The following RPP40 variants were observed in gnomAD, a reference collection of about 807,000 sequenced individuals.
RPP40 encodes the protein ribonuclease P/MRP subunit p40.
RPP40 carries 30 observed loss-of-function variants against 42.5 expected under a neutral mutation model. That is an observed-to-expected ratio of 0.71 (90% CI 0.53 to 0.96). The LOEUF is 0.96. Among genes scored for constraint, RPP40 ranks in the 40% least tolerant of loss-of-function variants. RPP40 has a pLI of 0.00. For synonymous variants in RPP40, 173 were observed against 164.0 expected, an observed-to-expected ratio of 1.05 and a Z score of -0.42; for missense variants, 426 against 433.5, an observed-to-expected ratio of 0.98 and a Z score of 0.15.
chr6:4,999,676 C>T (rs1749145), intron 4 of RPP40, 133 bp downstream of exon 4: 124,075 of 593,604 alleles, frequency 0.21, 13,747 homozygotes, highest in African/African-American at 0.29. Context: ...CTGTGAAGCT[C>T]GAGTCAGAAG....
intron 4 of RPP40, 89 bp from the exon 5 acceptor site, chr6:4,998,930 T>C: frequency 3.5e-6 from 3 of 856,682 alleles, no homozygotes. Flanking sequence ...AAAACTAGAA[T>C]TTTGGGAAAT....
intron 5 of RPP40, among the ~76,000 whole-genome samples, chr6:4,996,805 A>C (rs1759398777): frequency 1.3e-5 from 2 of 152,246 alleles, no homozygotes; most frequent in Non-Finnish European, 2.9e-5. Flanking sequence ...AAAAGAAGAG[A>C]AACTGAATGG....
rs761615945 is a variant in RPP40, at chr6:4,995,207, A to G, written c.963T>C (p.Pro321=). 6.2e-7 allele frequency: 1 copy of G among 1,614,168 alleles called. No individual in the cohort carries two copies. The stretch of plus-strand genomic sequence containing the variant: ...CATGTTCATTTTTTTCCCAAGAAAC[A>G]GGGCTGTCTGCAAAGCCTTGAACGG... The part of the protein sequence containing the change: ...TLSVQGFADS[P]VSWEKNEHGF... Residue 321 remains proline, a synonymous_variant, in exon 8 of 8, where the codon CCT becomes CCC. Coordinates refer to ENST00000380051, the MANE Select transcript of RPP40 (RefSeq NM_006638.4).
intron 1 of RPP40, among the ~76,000 whole-genome samples, chr6:5,003,346 A>C (rs1771864): frequency 0.34 from 2,149 of 6,396 alleles, 164 homozygotes; most frequent in East Asian, 0.56. Flanking sequence ...AACTCCGTCT[A>C]AAAAAAAAAA....
intron 5 of RPP40, among the ~76,000 whole-genome samples, chr6:4,997,969 C>T (rs2764103): frequency 0.89 from 135,181 of 152,270 alleles, 60,131 homozygotes; most frequent in East Asian, 0.99. Flanking sequence ...ATAAGCCTTT[C>T]TGCCCTCTTT....
chr6:4,994,906 AGGCC>A lies in RPP40; in HGVS notation c.*168_*171del. The stretch of plus-strand genomic sequence containing the variant: ...AACTATGAGCTATTCACTGGACAGC[AGGCC>A]TTGCTGCCATCACAGATGGGTCTCA... On this transcript the variant is annotated 3_prime_UTR_variant, in exon 8 of 8. Transcript: ENST00000380051. 1.6e-6 allele frequency: 1 copy of A among 614,158 alleles called. No homozygotes were observed. Among genetic ancestry groups the A allele is most frequent in the South Asian group, 2.0e-5 (1 of 48,988 alleles). The allele number at this position is 614,158 out of a possible 1,614,324, so 38.0% of individuals were successfully genotyped here.
In RPP40 at chr6:5,002,822, C is replaced by G. The variant is rs144727284; in HGVS notation, c.124-577G>C. 4.7e-3 allele frequency among the ~76,000 whole-genome samples: 720 copies of G among 152,300 alleles called. 2 individuals are homozygous for G. Among genetic ancestry groups the G allele is most frequent in the Non-Finnish European group, 6.0e-3 (411 of 68,024 alleles). The stretch of plus-strand genomic sequence containing the variant: ...TGACATCCAAAATAGGTGTTAAAAA[C>G]AGGGCAGGCTTCAAATGTTGCCACA... On this transcript the variant is annotated intron_variant, in intron 1 of 7. Coordinates refer to ENST00000380051, the MANE Select transcript of RPP40 (RefSeq NM_006638.4).
At chr6:4,996,160 C>G in intron 6 of RPP40, 62 bp downstream of exon 6, 1 of 1,605,556 alleles carries the variant, frequency 6.2e-7, no homozygotes. Context: ...AAGTATTAAA[C>G]TCCTATTAAA....
rs56262509 is a variant in RPP40, at chr6:5,004,019, G to C, written c.-17C>G. Reference sequence around the variant, plus strand: ...CGTGGCCATGCTCTCCTGGGTTCCTGGTCCTCCCGGCCTCCGCTGGCGGGG... The same window carrying C: ...CGTGGCCATGCTCTCCTGGGTTCCTCGTCCTCCCGGCCTCCGCTGGCGGGG... On this transcript the variant is annotated 5_prime_UTR_variant, in exon 1 of 8. Transcript: ENST00000380051. 2.5e-6 allele frequency: 4 copies of C among 1,586,094 alleles called. No homozygotes were observed. The highest frequency in any genetic ancestry group is 3.4e-6 in the Non-Finnish European group (4 of 1,165,216).
chr6:4,992,368 C>CAAA (rs56244686), downstream of RPP40, among the ~76,000 whole-genome samples: 1 of 108,726 alleles, frequency 9.2e-6, no homozygotes, highest in African/African-American at 3.3e-5. Flanking sequence ...GGCTCTGTCT[C>CAAA]AAAAAAAAAA....
At position 4,999,851 on chromosome 6, in the gene RPP40, C is replaced by G; in HGVS notation, c.391G>C (p.Gly131Arg). ...KDTYEETGLQ[G>R]HPSQFSGRKI... ...CTGCCAGAAAACTGAGATGGATGACCCTGAAGTCCAGTTTCTTCATAAGTG... is the reference window on the plus strand; with the variant it reads ...CTGCCAGAAAACTGAGATGGATGACGCTGAAGTCCAGTTTCTTCATAAGTG... Residue 131 changes from glycine to arginine, a missense_variant, in exon 4 of 8, where the codon GGT becomes CGT. Gly to Arg is a moderately radical substitution (Grantham distance 125). Transcript: ENST00000380051. The G allele has an allele frequency of 6.2e-7, 1 of 1,609,242 alleles. No homozygotes were observed. Among genetic ancestry groups the G allele is most frequent in the Non-Finnish European group, 8.5e-7 (1 of 1,176,138 alleles).
At chr6:4,999,404 T>C (rs990558728) in intron 4 of RPP40, among the ~76,000 whole-genome samples, 28 of 148,842 alleles carry the variant, frequency 1.9e-4, no homozygotes, top group African/African-American at 6.9e-4. Flanking sequence ...GTTCAAGCAA[T>C]TCTCCTGCCT....
intron 4 of RPP40, 54 bp from the exon 5 acceptor site, chr6:4,998,895 C>T (rs1354950309): frequency 8.8e-7 from 1 of 1,134,268 alleles, no homozygotes; most frequent in Non-Finnish European, 1.2e-6. Flanking sequence ...ACAGCTTCTA[C>T]CATGGAAAAA....
At position 5,003,656 on chromosome 6, in the gene RPP40, A is replaced by G. The variant is rs527345303; in HGVS notation, c.123+224T>C. 619 of 496,822 alleles carry G rather than the reference A, an allele frequency of 1.2e-3. 5 individuals carry two copies. Among genetic ancestry groups the G allele is most frequent in the African/African-American group, 0.011 (554 of 50,112 alleles). The allele number at this position is 496,822 out of a possible 1,614,324, so 30.8% of individuals were successfully genotyped here. On this transcript the variant is annotated intron_variant, in intron 1 of 7. Coordinates refer to ENST00000380051, the MANE Select transcript of RPP40 (RefSeq NM_006638.4). Reference sequence around the variant, plus strand: ...GACAACAGCTCCCTCCAGACTGGGTACCGCCCCCACGCCCGGCGCATCCTG... The same window carrying G: ...GACAACAGCTCCCTCCAGACTGGGTGCCGCCCCCACGCCCGGCGCATCCTG...
downstream of RPP40, among the ~76,000 whole-genome samples, chr6:4,993,602 T>C (rs1286855331): frequency 2.0e-5 from 3 of 152,218 alleles, no homozygotes; most frequent in African/African-American, 7.2e-5. Context: ...AAAGACAATC[T>C]GTTTTGCTTC....
downstream of RPP40, among the ~76,000 whole-genome samples, chr6:4,990,925 A>G (rs1759251890): frequency 6.6e-6 from 1 of 152,094 alleles, no homozygotes; most frequent in South Asian, 2.1e-4. Context: ...TGTTGAATTT[A>G]TTGCTATAAA....
downstream of RPP40, among the ~76,000 whole-genome samples, chr6:4,993,049 TAC>T (rs1759282642): frequency 1.3e-5 from 2 of 151,770 alleles, no homozygotes; most frequent in South Asian, 4.1e-4. Flanking sequence ...TTATAAATCC[TAC>T]ACTATGACTT....
rs1390186998 is a variant in RPP40 at position 4,995,963 on chromosome 6, AATAGG to A, written c.876_880del (p.Leu293GlyfsTer8). On this transcript the variant is annotated frameshift_variant, in exon 7 of 8. Transcript: ENST00000380051. LOFTEE classifies it high-confidence loss of function. ...AAAGAGTTCTCACCAGAGATGTTCCAATAGGAGACAGATCTTCTCTGGAAGTATGA... is the reference window on the plus strand; with the variant it reads ...AAAGAGTTCTCACCAGAGATGTTCCAAGACAGATCTTCTCTGGAAGTATGA... 6.2e-7 allele frequency: 1 copy of A among 1,613,958 alleles called. No homozygotes were observed. The highest frequency in any genetic ancestry group is 8.5e-7 in the Non-Finnish European group (1 of 1,179,934).
chr6:4,996,521 T>C, intron 5 of RPP40, 101 bp from the exon 6 acceptor site: 1 of 1,036,980 alleles, frequency 9.6e-7, no homozygotes, highest in East Asian at 2.4e-5. Flanking sequence ...GCGGTAAGAT[T>C]GAGTAAGATG....
Sources: gnomAD v4.1 joint callset for allele counts (sites outside exome capture counted in the v4.1 genomes callset) on GRCh38, gnomAD v4.1.1 for gene constraint, MANE v1.5 for transcripts, NCBI Gene and HGNC (gene_info 2026-07-23, HGNC 2026-07-21) for gene names.